Variants in TACC2 observed in about 807,000 individuals in gnomAD.
The protein encoded by TACC2 is transforming acidic coiled-coil-containing protein 2.
TACC2 carries 137 observed loss-of-function variants against 227.3 expected under a neutral mutation model. The observed-to-expected ratio is 0.60, with a 90% CI of 0.52 to 0.69. The LOEUF is 0.69. Ranked by LOEUF, TACC2 falls within the 30% of genes least tolerant of loss-of-function variation. TACC2 has a pLI of 0.00. For missense variants in TACC2, 3,470 were observed against 3,694.4 expected (o/e 0.94, Z 1.57); for synonymous variants, 1,523 against 1,487.5 (o/e 1.02, Z -0.55).
chr10:122,242,851 C>G (rs572401722), intron 19 of TACC2, among the ~76,000 whole-genome samples: 11 of 152,180 alleles, frequency 7.2e-5, no homozygotes, highest in Admixed American at 1.3e-4. Flanking sequence ...CCAGGCTGGT[C>G]TCAAACTTCT....
At chr10:122,142,988 G>C (rs943217407) in intron 6 of TACC2, among the ~76,000 whole-genome samples, 2 of 152,126 alleles carry the variant, frequency 1.3e-5, no homozygotes, top group African/African-American at 2.4e-5. Context: ...TGGTTCCCTG[G>C]CTGTCCAGCA....
At chr10:122,017,459 C>CAGGCGCCATT (rs71022881) in intron 1 of TACC2, among the ~76,000 whole-genome samples, 12,691 of 152,134 alleles carry the variant, frequency 0.083, 596 homozygotes, top group East Asian at 0.14. Flanking sequence ...CTGTTGAAGA[C>CAGGCGCCATT]TTGCCGCCAT....
At chr10:122,107,977 C>T (rs1014308953) in intron 5 of TACC2, among the ~76,000 whole-genome samples, 7 of 149,076 alleles carry the variant, frequency 4.7e-5, no homozygotes, top group South Asian at 2.2e-4. Context: ...CTGCAAGCTC[C>T]GCCTCCTGGG....
At chr10:122,125,777 T>C (rs971192319) in intron 5 of TACC2, among the ~76,000 whole-genome samples, 1 of 13,016 alleles carries the variant, frequency 7.7e-5, no homozygotes, top group African/African-American at 1.0e-4. Flanking sequence ...ATATCCTTCC[T>C]TTTTTTTTTT....
At chr10:122,240,244 G>A (rs2095957822) in intron 18 of TACC2, among the ~76,000 whole-genome samples, 2 of 152,208 alleles carry the variant, frequency 1.3e-5, no homozygotes, top group Admixed American at 1.3e-4. Context: ...AGTGATGAGT[G>A]GTTAGACAGG....
chr10:122,170,263 CTT>C (rs34194262), intron 7 of TACC2, among the ~76,000 whole-genome samples: 2 of 63,198 alleles, frequency 3.2e-5, no homozygotes, highest in Non-Finnish European at 5.4e-5. Context: ...ATGATCAAGT[CTT>C]TTTTTTTTTT....
At chr10:122,216,121 C>CAG (rs1565658373) in intron 10 of TACC2, among the ~76,000 whole-genome samples, 1 of 152,186 alleles carries the variant, frequency 6.6e-6, no homozygotes, top group Non-Finnish European at 1.5e-5. Flanking sequence ...GCACTCAGCC[C>CAG]TGGGGATAGG....
chr10:122,176,458 G>A (rs931377235), intron 7 of TACC2, among the ~76,000 whole-genome samples: 4 of 152,152 alleles, frequency 2.6e-5, no homozygotes, highest in African/African-American at 9.7e-5. Flanking sequence ...TCCCACAGGG[G>A]AGTTGTTGGG....
chr10:121,994,822 A>G (rs904705153), intron 1 of TACC2: 1 of 152,184 alleles, frequency 6.6e-6, no homozygotes, highest in East Asian at 1.9e-4. Context: ...TTTCCTTATA[A>G]AGTGAAATTA....
At chr10:122,133,064 G>A (rs1203806163) in intron 6 of TACC2, among the ~76,000 whole-genome samples, 3 of 152,168 alleles carry the variant, frequency 2.0e-5, no homozygotes. Flanking sequence ...CCAGTAGAGA[G>A]AACGTGCTAC....
chr10:122,225,317 C>T (rs2095605106), intron 12 of TACC2, among the ~76,000 whole-genome samples: 1 of 152,236 alleles, frequency 6.6e-6, no homozygotes, highest in East Asian at 1.9e-4. Flanking sequence ...GGAGGGCTTG[C>T]TTGCTTACAG....
At chr10:122,133,245 A>G (rs1273030678) in intron 6 of TACC2, among the ~76,000 whole-genome samples, 1 of 152,008 alleles carries the variant, frequency 6.6e-6, no homozygotes, top group Non-Finnish European at 1.5e-5. Context: ...CCCTTCTGCC[A>G]TGTCACCTCC....
intron 1 of TACC2, among the ~76,000 whole-genome samples, chr10:121,997,026 G>A (rs376088012): frequency 2.6e-4 from 39 of 152,146 alleles, no homozygotes; most frequent in Admixed American, 1.3e-3. Context: ...GCAGCAGCTC[G>A]TTAGAAAAGC....
At position 122,083,941 on chromosome 10, in the gene TACC2, C is replaced by G; in HGVS notation, c.1441C>G (p.His481Asp). Residue 481 changes from histidine (H) to aspartate (D), a missense_variant, in exon 4 of 23, where the codon CAT becomes GAT. His to Asp is a moderately conservative substitution (Grantham distance 81, BLOSUM62 -1). Around this residue, in one of 10 missense-constraint regions of TACC2, gnomAD observed 1,924 missense variants for 1,978.3 expected, o/e 0.97. Coordinates refer to ENST00000369005, the MANE Select transcript of TACC2 (RefSeq NM_206862.4). ...QVSDLGSKGE[H>D]PEGDPGEVPA... is the part of the protein sequence containing the mutation. ...GTCAGATCTTGGAAGCAAGGGAGAG[C>G]ATCCAGAAGGGGACCCTGGAGAGGT... The G allele has an allele frequency of 1.2e-5, 20 of 1,614,044 alleles. No individual in the cohort carries two copies. Among genetic ancestry groups the G allele is most frequent in the Non-Finnish European group, 1.7e-5 (20 of 1,180,002 alleles).
chr10:122,138,807 G>A (rs1416372846), intron 6 of TACC2, among the ~76,000 whole-genome samples: 3 of 152,146 alleles, frequency 2.0e-5, no homozygotes, highest in African/African-American at 4.8e-5. Context: ...AATTTCATAC[G>A]GTTCACACTC....
intron 5 of TACC2, among the ~76,000 whole-genome samples, chr10:122,093,180 C>T (rs997294531): frequency 1.3e-5 from 2 of 151,544 alleles, no homozygotes; most frequent in African/African-American, 4.9e-5. Flanking sequence ...AAATTGTTCC[C>T]AGATGCTTAG....
intron 7 of TACC2, among the ~76,000 whole-genome samples, chr10:122,144,407 A>G (rs1043769202): frequency 3.3e-5 from 5 of 152,334 alleles, no homozygotes; most frequent in Non-Finnish European, 7.3e-5. Flanking sequence ...TTTCCATGCA[A>G]GCAGTTGGTT....
chr10:122,112,351 AG>A (rs2083756805), intron 5 of TACC2, among the ~76,000 whole-genome samples: 1 of 152,220 alleles, frequency 6.6e-6, no homozygotes, highest in Non-Finnish European at 1.5e-5. Context: ...ACATGCCAAT[AG>A]ATACATAACT....
At chr10:122,236,892 T>C (rs1316543963) in intron 16 of TACC2, among the ~76,000 whole-genome samples, 1 of 152,222 alleles carries the variant, frequency 6.6e-6, no homozygotes. Context: ...TTTGCGTGAC[T>C]CACATCCTTT....
Sources: allele counts gnomAD v4.1 joint callset (sites outside exome capture counted in the v4.1 genomes callset), GRCh38; gene constraint gnomAD v4.1.1; regional missense constraint gnomAD v4.1.1; transcripts MANE v1.5; gene names NCBI Gene and HGNC (gene_info 2026-07-23, HGNC 2026-07-21).